The following SORD variants were observed in gnomAD, a reference collection of about 807,000 sequenced individuals.
The protein encoded by SORD is sorbitol dehydrogenase.
A neutral mutation model predicts 35.6 loss-of-function variants in SORD; 18 were observed. That is an observed-to-expected ratio of 0.51 (90% CI 0.35 to 0.75). The LOEUF (loss-of-function observed/expected upper bound fraction) is 0.75. Ranked by LOEUF, SORD falls within the 30% of genes least tolerant of loss-of-function variation. SORD has a pLI of 0.01. For synonymous variants in SORD, 106 were observed against 152.9 expected, an observed-to-expected ratio of 0.69 and a Z score of 2.26; for missense variants, 250 against 390.2, an observed-to-expected ratio of 0.64 and a Z score of 3.03.
intron 3 of SORD, among the ~76,000 whole-genome samples, chr15:45,053,344 G>T (rs549505966): frequency 6.6e-6 from 1 of 152,334 alleles, no homozygotes; most frequent in Non-Finnish European, 1.5e-5. Flanking sequence ...GACAGCTTTT[G>T]ATGGAGCCAT....
At chr15:45,043,760 A>G (rs1469724187) in intron 3 of SORD, among the ~76,000 whole-genome samples, 1 of 150,156 alleles carries the variant, frequency 6.7e-6, no homozygotes, top group Non-Finnish European at 1.5e-5. Context: ...TTTGAGGCAC[A>G]GGAAACCAAA....
intron 1 of SORD, among the ~76,000 whole-genome samples, chr15:45,031,546 T>C (rs1892786777): frequency 6.6e-6 from 1 of 152,268 alleles, no homozygotes; most frequent in African/African-American, 2.4e-5. Flanking sequence ...GTCACTTTCT[T>C]TGCTGTTTTT....
chr15:45,023,846 C>G (rs1279471181), intron 1 of SORD, among the ~76,000 whole-genome samples: 1 of 152,204 alleles, frequency 6.6e-6, no homozygotes, highest in Non-Finnish European at 1.5e-5. Flanking sequence ...GTACTCAGCA[C>G]TTAGTACGTG....
chr15:45,031,326 CA>C (rs201515287), intron 1 of SORD, among the ~76,000 whole-genome samples: 6,558 of 94,494 alleles, frequency 0.069, 132 homozygotes, highest in South Asian at 0.17. Flanking sequence ...ACAACAACGA[CA>C]AAAAAAAAAA....
intron 1 of SORD, among the ~76,000 whole-genome samples, chr15:45,027,475 T>C (rs2576078): frequency 0.19 from 29,073 of 149,972 alleles, 249 homozygotes; most frequent in African/African-American, 0.4. Context: ...AGCACAGCAT[T>C]TAGCACACTG....
At chr15:45,024,935 A>C (rs1276712616) in intron 1 of SORD, among the ~76,000 whole-genome samples, 1 of 152,272 alleles carries the variant, frequency 6.6e-6, no homozygotes, top group Non-Finnish European at 1.5e-5. Context: ...CCTGCTTAAA[A>C]GTCATGCACC....
chr15:45,068,334 A>G lies in SORD; in HGVS notation c.610+88A>G, dbSNP rs1893441106. On this transcript the variant is annotated intron_variant, in intron 6 of 8. Transcript: ENST00000267814. ...TGTGTGAGGAGAGGTTATCTGTGAC[A>G]GTGTGGAGGGGGTGAGTGTGTAGTG... The G allele has an allele frequency of 1.4e-5, 13 of 944,292 alleles. No individual in the cohort carries two copies. The Admixed American group carries it at 2.2e-4, about 16-fold the overall frequency. The allele number at this position is 944,292 out of a possible 1,614,324, so 58.5% of individuals were successfully genotyped here. A position where few individuals can be genotyped will look rare whatever the true frequency, so the allele number is the denominator to read the frequency against.
chr15:45,068,042 C>T (rs1458230579), intron 5 of SORD, 139 bp from the exon 6 acceptor site: 13 of 691,784 alleles, frequency 1.9e-5, no homozygotes, highest in South Asian at 4.8e-5. Flanking sequence ...AACAAACAGC[C>T]GCTAAGGTCT....
chr15:45,038,467 C>T (rs1595497897), intron 1 of SORD, among the ~76,000 whole-genome samples: 1 of 152,304 alleles, frequency 6.6e-6, no homozygotes, highest in African/African-American at 2.4e-5. Context: ...AACATTAAAG[C>T]TTTGAGCTTT....
chr15:45,042,709 A>G (rs1377936469), intron 2 of SORD, among the ~76,000 whole-genome samples: 1 of 151,738 alleles, frequency 6.6e-6, no homozygotes, highest in Non-Finnish European at 1.5e-5. Context: ...TGGTTGGTAC[A>G]TTTCATCCTA....
intron 4 of SORD, among the ~76,000 whole-genome samples, chr15:45,062,319 C>T (rs1462434482): frequency 6.6e-6 from 1 of 152,244 alleles, no homozygotes; most frequent in African/African-American, 2.4e-5. Context: ...GATTCTCACC[C>T]CTGAAATTGT....
At chr15:45,068,137 T>G (rs1893436792) in intron 5 of SORD, 44 bp from the exon 6 acceptor site, 2 of 1,448,972 alleles carry the variant, frequency 1.4e-6, no homozygotes, top group African/African-American at 2.8e-5. Flanking sequence ...GGAGAGCAGA[T>G]GTTTAATATT....
intron 3 of SORD, chr15:45,047,138 A>C (rs576555557): frequency 2.0e-5 from 3 of 152,200 alleles, no homozygotes; most frequent in Non-Finnish European, 4.4e-5. Flanking sequence ...AGAAGTGGGG[A>C]AAGAGTAGAA....
chr15:45,070,405 G>A (rs1465719332), intron 7 of SORD: 7 of 152,260 alleles, frequency 4.6e-5, no homozygotes, highest in Non-Finnish European at 1.0e-4. Flanking sequence ...AGGGAAGGCT[G>A]ACCCACCAAG....
intron 7 of SORD, chr15:45,069,903 G>A (rs1407199804): frequency 2.6e-5 from 4 of 152,230 alleles, no homozygotes; most frequent in South Asian, 2.1e-4. Context: ...GCCCCTCAGC[G>A]ACCCACCAGC....
At chr15:45,066,944 A>G (rs1893416013) in intron 5 of SORD, among the ~76,000 whole-genome samples, 1 of 152,192 alleles carries the variant, frequency 6.6e-6, no homozygotes, top group African/African-American at 2.4e-5. Context: ...ACACACAGAA[A>G]TTCACCTGCA....
At chr15:45,054,633 G>A (rs1893183563) in intron 3 of SORD, among the ~76,000 whole-genome samples, 1 of 152,088 alleles carries the variant, frequency 6.6e-6, no homozygotes, top group African/African-American at 2.4e-5. Context: ...TTGCTGTGCA[G>A]AAGCTCTTTA....
intron 6 of SORD, 141 bp downstream of exon 6, chr15:45,068,387 G>C: frequency 2.9e-6 from 2 of 690,018 alleles, no homozygotes; most frequent in African/African-American, 3.5e-5. Flanking sequence ...ATATAGAAGA[G>C]TGTGAGTGTG....
At chr15:45,072,521 C>G in intron 8 of SORD, 83 bp downstream of exon 8, 1 of 330,546 alleles carries the variant, frequency 3.0e-6, no homozygotes, top group Middle Eastern at 9.1e-4. Flanking sequence ...GCCCATGAGT[C>G]TCTGCCTGTT....
Sources: gnomAD v4.1 joint callset for allele counts (sites outside exome capture counted in the v4.1 genomes callset) on GRCh38, gnomAD v4.1.1 for gene constraint, MANE v1.5 for transcripts, NCBI Gene and HGNC (gene_info 2026-07-23, HGNC 2026-07-21) for gene names.